The following WDR64 variants were observed in gnomAD, a reference collection of about 807,000 sequenced individuals.
The protein encoded by WDR64 is WD repeat-containing protein 64.
A neutral mutation model predicts 139.3 loss-of-function variants in WDR64; 112 were observed. The observed-to-expected ratio is 0.80, with a 90% confidence interval of 0.69 to 0.94. WDR64 has a LOEUF of 0.94. Among genes scored for constraint, WDR64 ranks in the 40% least tolerant of loss-of-function variants. The probability of loss-of-function intolerance (pLI) is 0.00; values close to 1 mark genes in which losing one functional copy is unlikely to be tolerated. For synonymous variants in WDR64, 444 were observed against 437.7 expected, an observed-to-expected ratio of 1.01 and a Z score of -0.18; for missense variants, 1,206 against 1,293.1, an observed-to-expected ratio of 0.93 and a Z score of 1.03.
Position 241,738,385 on chromosome 1 carries a change from A to G in WDR64, c.1217A>G (p.Gln406Arg). The G allele has an allele frequency of 6.2e-7, 1 of 1,613,810 alleles. No homozygotes were observed. Among genetic ancestry groups the G allele is most frequent in the Middle Eastern group, 1.7e-4 (1 of 6,054 alleles). ...SAKVFRVWDI[Q>R]TLSLLQVFHD... ...CAGGTTTTCCGGGTGTGGGATATAC[A>G]AACTCTTTCACTATTACAAGTCTTC... Residue 406 changes from glutamine to arginine, a missense_variant, in exon 11 of 28, where the codon CAA becomes CGA. Transcript: ENST00000437684.
chr1:241,688,367 C>T (rs1282709910), intron 8 of WDR64, among the ~76,000 whole-genome samples: 2 of 152,132 alleles, frequency 1.3e-5, no homozygotes, highest in African/African-American at 4.8e-5. Flanking sequence ...GATTGTTACA[C>T]AATTCTCTAA....
chr1:241,671,170 A>C lies in WDR64; in HGVS notation c.373A>C (p.Ile125Leu), dbSNP rs970958056. Residue 125 changes from isoleucine to leucine, a missense_variant, in exon 3 of 28, where the codon ATT becomes CTT. Physicochemically the swap from Ile to Leu is conservative, Grantham distance 5. Transcript: ENST00000437684. ...TGTGTCTAGAAAAAGGCGAATTTTA[A>C]TTTCAGGTGACATTTTAATTTTCTC... Reference protein sequence around the residue: ...FFVSRKRRILISGSRRRDVIK... With the variant: ...FFVSRKRRILLSGSRRRDVIK... 6.5e-7 allele frequency: 1 copy of C among 1,543,546 alleles called. No individual in the cohort carries two copies. The highest frequency in any genetic ancestry group is 1.2e-5 in the South Asian group (1 of 82,960).
intron 8 of WDR64, among the ~76,000 whole-genome samples, chr1:241,695,556 C>T (rs1488665017): frequency 6.6e-6 from 1 of 152,064 alleles, no homozygotes; most frequent in Non-Finnish European, 1.5e-5. Flanking sequence ...ATTATAGGCA[C>T]AGTAGAAGTT....
intron 6 of WDR64, among the ~76,000 whole-genome samples, chr1:241,681,120 T>C (rs1057366266): frequency 6.6e-6 from 1 of 152,148 alleles, no homozygotes; most frequent in African/African-American, 2.4e-5. Context: ...AAAAATTGTT[T>C]AAATTTTTTT....
At chr1:241,729,675 GT>G (rs891142810) in intron 10 of WDR64, among the ~76,000 whole-genome samples, 3 of 151,978 alleles carry the variant, frequency 2.0e-5, no homozygotes, top group Non-Finnish European at 2.9e-5. Flanking sequence ...TAAAAATTGA[GT>G]TTTTTTTCCT....
chr1:241,773,049 A>G (rs953065246), intron 20 of WDR64, 118 bp downstream of exon 20: 1 of 1,251,242 alleles, frequency 8.0e-7, no homozygotes, highest in African/African-American at 1.5e-5. Context: ...TCAACTTTCT[A>G]GCCAAATTGC....
chr1:241,746,685 TC>T (rs1283021564), intron 13 of WDR64, among the ~76,000 whole-genome samples: 2 of 151,680 alleles, frequency 1.3e-5, no homozygotes, highest in Non-Finnish European at 2.9e-5. Context: ...TATATTTGCA[TC>T]AGTTTGAATG....
Position 241,769,535 on chromosome 1 carries a change from C to T in WDR64, c.2183+30C>T. 3 of 1,523,036 alleles carry T rather than the reference C, an allele frequency of 2.0e-6. 1 individual carries two copies. The South Asian group carries it at 3.6e-5, about 18-fold the overall frequency. 94.3% of individuals were successfully genotyped at this position (1,523,036 alleles called of 1,614,324 possible). A position where few individuals can be genotyped will look rare whatever the true frequency, so the allele number is the denominator to read the frequency against. ...CTCGTTACTTACTGAACCAGTAATACTGTCTGGGACTTAGGTGGCTGATAC... is the reference window on the plus strand; with the variant it reads ...CTCGTTACTTACTGAACCAGTAATATTGTCTGGGACTTAGGTGGCTGATAC... On this transcript the variant is annotated intron_variant, in intron 17 of 27. Coordinates refer to ENST00000437684, the MANE Select transcript of WDR64 (RefSeq NM_001367482.1).
intron 12 of WDR64, 32 bp from the exon 13 acceptor site, chr1:241,744,361 G>C: frequency 6.2e-7 from 1 of 1,611,552 alleles, no homozygotes; most frequent in Non-Finnish European, 8.5e-7. Context: ...TTCTTCAAAC[G>C]GATTACTTGA....
intron 21 of WDR64, among the ~76,000 whole-genome samples, chr1:241,777,285 T>C (rs1318633405): frequency 6.6e-6 from 1 of 152,134 alleles, no homozygotes; most frequent in Non-Finnish European, 1.5e-5. Flanking sequence ...TTTTCTATTT[T>C]CCTAAAGTAG....
intron 21 of WDR64, among the ~76,000 whole-genome samples, chr1:241,777,487 A>G (rs1292105248): frequency 1.3e-5 from 2 of 150,842 alleles, no homozygotes; most frequent in African/African-American, 4.9e-5. Flanking sequence ...GCACAATCTC[A>G]GCTCACCCCA....
chr1:241,673,243 A>C (rs946106997), intron 3 of WDR64, among the ~76,000 whole-genome samples: 1 of 152,134 alleles, frequency 6.6e-6, no homozygotes, highest in East Asian at 1.9e-4. Context: ...TGACGAGTTA[A>C]TGGGTGCAGC....
chr1:241,790,196 T>C (rs1002543656), intron 24 of WDR64, among the ~76,000 whole-genome samples: 5 of 151,796 alleles, frequency 3.3e-5, no homozygotes, highest in Non-Finnish European at 7.4e-5. Flanking sequence ...ACTAAAAATA[T>C]AAAAATTAGC....
At chr1:241,716,886 A>G (rs78896178) in intron 9 of WDR64, among the ~76,000 whole-genome samples, 9,081 of 152,260 alleles carry the variant, frequency 0.06, 424 homozygotes, top group East Asian at 0.15. Flanking sequence ...GGACAAAGCC[A>G]TTAGTTTAAG....
chr1:241,716,425 A>T (rs1390755886), intron 9 of WDR64, among the ~76,000 whole-genome samples: 1 of 152,140 alleles, frequency 6.6e-6, no homozygotes, highest in Non-Finnish European at 1.5e-5. Flanking sequence ...AGTTCTTAGT[A>T]TGGAAGATTC....
intron 2 of WDR64, among the ~76,000 whole-genome samples, chr1:241,661,059 A>G (rs890009304): frequency 6.6e-6 from 1 of 152,208 alleles, no homozygotes; most frequent in African/African-American, 2.4e-5. Context: ...ACTACCTGTT[A>G]TATTCCCTGA....
intron 10 of WDR64, among the ~76,000 whole-genome samples, chr1:241,730,321 C>T (rs1341492694): frequency 6.6e-6 from 1 of 152,166 alleles, no homozygotes; most frequent in Non-Finnish European, 1.5e-5. Context: ...ATAAGGCTTC[C>T]TTCTGAGTGT....
chr1:241,669,538 T>A (rs1025283844), intron 2 of WDR64, among the ~76,000 whole-genome samples: 1 of 152,206 alleles, frequency 6.6e-6, no homozygotes, highest in African/African-American at 2.4e-5. Context: ...AATAAGCTTT[T>A]ATTGAGTGCT....
chr1:241,747,113 A>G lies in WDR64; in HGVS notation c.1595-2434A>G, dbSNP rs181640134. Among the ~76,000 whole-genome samples, 12 of 152,296 alleles carry G rather than the reference A, an allele frequency of 7.9e-5. No individual in the cohort carries two copies. In the East Asian group the frequency reaches 2.3e-3, roughly 29 times the overall value. ...GATGTCTTCAAAATGACAAACTTTT[A>G]GATAAGTAAAACAGAACAGCTTAGT... On this transcript the variant is annotated intron_variant, in intron 13 of 27. Transcript: ENST00000437684.
Sources: allele counts gnomAD v4.1 joint callset (sites outside exome capture counted in the v4.1 genomes callset), GRCh38; gene constraint gnomAD v4.1.1; transcripts MANE v1.5; gene names NCBI Gene and HGNC (gene_info 2026-07-23, HGNC 2026-07-21).